COL4A5: variants seen among roughly 807,000 people sequenced by gnomAD.
COL4A5 encodes the protein collagen alpha-5(IV) chain.
Under a neutral mutation model 130.2 loss-of-function variants are expected in COL4A5, and 26 were observed. That is an observed-to-expected ratio of 0.20 (90% CI 0.15 to 0.28). The LOEUF (loss-of-function observed/expected upper bound fraction) is 0.28. Among genes scored for constraint, COL4A5 ranks in the 10% least tolerant of loss-of-function variants. The pLI is 1.00. For missense variants in COL4A5, 1,131 were observed against 1,344.3 expected, an observed-to-expected ratio of 0.84 and a Z score of 2.48; for synonymous variants, 496 against 439.6, an observed-to-expected ratio of 1.13 and a Z score of -1.60.
chrX:108,633,153 A>T (rs935896321), intron 36 of COL4A5, among the ~76,000 whole-genome samples: 1 of 110,919 alleles, frequency 9.0e-6, no homozygotes, highest in African/African-American at 3.3e-5. Flanking sequence ...TAGTTTTTTG[A>T]TTGTCAATAT....
At chrX:108,653,755 T>C (rs1013689024) in intron 36 of COL4A5, among the ~76,000 whole-genome samples, 4 of 111,311 alleles carry the variant, frequency 3.6e-5, no homozygotes, top group Non-Finnish European at 5.7e-5. Flanking sequence ...TATATACATT[T>C]AATTTTTTCA....
intron 29 of COL4A5, among the ~76,000 whole-genome samples, chrX:108,613,277 T>A (rs1005692625): frequency 8.9e-6 from 1 of 111,917 alleles, no homozygotes; most frequent in African/African-American, 3.2e-5. Flanking sequence ...TATTCTTTTT[T>A]AAACAACCCT....
At chrX:108,694,978 A>C (rs1274205667) in intron 51 of COL4A5, 57 bp downstream of exon 51, 16 of 905,204 alleles carry the variant, frequency 1.8e-5, no homozygotes, top group Middle Eastern at 2.9e-4. Flanking sequence ...TTCCATCTAC[A>C]TTTCTTCCCA....
chrX:108,448,522 T>A (rs1569470865), intron 1 of COL4A5, among the ~76,000 whole-genome samples: 2 of 111,464 alleles, frequency 1.8e-5, no homozygotes, highest in Non-Finnish European at 3.8e-5. Flanking sequence ...GTATTAGGAG[T>A]GGGACATGAC....
At chrX:108,445,770 T>A (rs2064445910) in intron 1 of COL4A5, among the ~76,000 whole-genome samples, 1 of 111,965 alleles carries the variant, frequency 8.9e-6, no homozygotes, top group African/African-American at 3.2e-5. Context: ...ATATGTTGAT[T>A]TTATATGGTA....
chrX:108,522,024 T>C (rs1265394490), intron 1 of COL4A5, among the ~76,000 whole-genome samples: 1 of 111,115 alleles, frequency 9.0e-6, no homozygotes, highest in East Asian at 2.8e-4. Flanking sequence ...TAGGTTTGTC[T>C]ATTCTGAACA....
In COL4A5 at chrX:108,601,145, A is replaced by C. The variant is rs1484962842; in HGVS notation, c.1949-248A>C. Among the ~76,000 whole-genome samples the C allele has an allele frequency of 1.6e-4, 18 of 111,123 alleles. 1 individual carries two copies. In the Admixed American group the frequency reaches 1.7e-3, roughly 11 times the overall value. On this transcript the variant is annotated intron_variant, in intron 25 of 52. Transcript: ENST00000328300. ...TTAATCTAGTCATGTTGAAACCTAA[A>C]ATTAACCATTATACATCTTGAATCA...
intron 37 of COL4A5, among the ~76,000 whole-genome samples, chrX:108,662,470 G>A (rs749966643): frequency 6.3e-5 from 7 of 111,203 alleles, no homozygotes; most frequent in Non-Finnish European, 1.3e-4. Flanking sequence ...TGGTTATTTA[G>A]TAAAAAACCA....
intron 36 of COL4A5, among the ~76,000 whole-genome samples, chrX:108,648,873 A>G (rs1420392668): frequency 9.0e-6 from 1 of 111,280 alleles, no homozygotes; most frequent in Non-Finnish European, 1.9e-5. Context: ...TCAACATAGT[A>G]CTGGAAGTCC....
intron 4 of COL4A5, among the ~76,000 whole-genome samples, chrX:108,564,732 T>C (rs1432029901): frequency 1.8e-5 from 2 of 112,140 alleles, no homozygotes; most frequent in Non-Finnish European, 3.8e-5. Flanking sequence ...GATGAAGCTC[T>C]CTAATTTGAA....
At chrX:108,569,272 T>G (rs2066021883) in intron 6 of COL4A5, among the ~76,000 whole-genome samples, 1 of 112,509 alleles carries the variant, frequency 8.9e-6, no homozygotes, top group African/African-American at 3.2e-5. Context: ...CTTAAAAAAT[T>G]ATATGTAATA....
At chrX:108,628,108 CTTA>C (rs2067186577) in intron 36 of COL4A5, among the ~76,000 whole-genome samples, 1 of 110,066 alleles carries the variant, frequency 9.1e-6, no homozygotes, top group Admixed American at 9.8e-5. Context: ...AAATGTATGC[CTTA>C]TTATTTTTTA....
At chrX:108,650,013 C>T (rs28830854) in intron 36 of COL4A5, among the ~76,000 whole-genome samples, 26,914 of 109,557 alleles carry the variant, frequency 0.25, 2,789 homozygotes, top group East Asian at 0.57. Flanking sequence ...GTACATCTGA[C>T]GAAGGACGAA....
intron 26 of COL4A5, 27 bp from the exon 27 acceptor site, chrX:108,601,858 C>T (rs1239156389): frequency 1.2e-5 from 11 of 914,522 alleles, no homozygotes; most frequent in Middle Eastern, 2.9e-4. Context: ...GAACGTTTTC[C>T]TTTCAATAAC....
Position 108,668,332 on chromosome X carries a change from T to C in COL4A5, c.3618T>C (p.Asp1206=), listed in dbSNP as rs2147959025. ...TTACTTTCATAGGCCAAAAGGGTGA[T>C]GGAGGATTACCTGGGATTCCAGGAA... ...GLPGLSGQKG[D]GGLPGIPGNP... The change falls in exon 41 of 53, where the codon GAT becomes GAC. Residue 1206 remains aspartate (D), a synonymous_variant. Transcript: ENST00000328300. 1 of 1,210,787 alleles carries C rather than the reference T, an allele frequency of 8.3e-7. No individual in the cohort carries two copies. Among genetic ancestry groups the C allele is most frequent in the South Asian group, 1.8e-5 (1 of 56,988 alleles).
At chrX:108,615,105 AAC>A (rs1277781140) in intron 30 of COL4A5, 81 bp downstream of exon 30, 4 of 707,053 alleles carry the variant, frequency 5.7e-6, no homozygotes, top group African/African-American at 2.1e-5. Context: ...AAACCTACAA[AAC>A]AGTCTTCCAG....
intron 1 of COL4A5, among the ~76,000 whole-genome samples, chrX:108,473,487 T>G (rs1305489091): frequency 9.4e-6 from 1 of 105,904 alleles, no homozygotes; most frequent in Non-Finnish European, 1.9e-5. Context: ...ACGCCTAGAC[T>G]AATACGTGTG....
intron 1 of COL4A5, among the ~76,000 whole-genome samples, chrX:108,501,640 A>G (rs917263635): frequency 1.8e-5 from 2 of 112,355 alleles, no homozygotes; most frequent in Non-Finnish European, 3.8e-5. Context: ...TCAGAAAGCC[A>G]TCTGCTAACA....
chrX:108,531,374 T>TAAATAAA (rs1285357909), intron 1 of COL4A5, among the ~76,000 whole-genome samples: 1 of 106,405 alleles, frequency 9.4e-6, no homozygotes, highest in African/African-American at 3.4e-5. Context: ...ATGAAATAAA[T>TAAATAAA]AAATAAAAAA....
Sources: allele counts gnomAD v4.1 joint callset (sites outside exome capture counted in the v4.1 genomes callset), GRCh38; gene constraint gnomAD v4.1.1; transcripts MANE v1.5; gene names NCBI Gene and HGNC (gene_info 2026-07-23, HGNC 2026-07-21).